The following DNAH7 variants were observed in gnomAD, a reference collection of about 807,000 sequenced individuals.
DNAH7 encodes the protein dynein axonemal heavy chain 7.
In DNAH7, 397 loss-of-function variants were observed where a neutral mutation model predicts 444.6. The observed-to-expected ratio is 0.89, with a 90% CI of 0.82 to 0.97. The LOEUF is 0.97. Ranked by LOEUF, DNAH7 falls within the 50% of genes least tolerant of loss-of-function variation. The pLI is 0.00. For missense variants in DNAH7, 4,902 were observed against 4,800.8 expected (o/e 1.02, Z -0.62); for synonymous variants, 1,636 against 1,624.4 (o/e 1.01, Z -0.17).
At chr2:195,749,348 A>C (rs893685348) in intron 63 of DNAH7, among the ~76,000 whole-genome samples, 1 of 150,298 alleles carries the variant, frequency 6.7e-6, no homozygotes, top group African/African-American at 2.4e-5. Context: ...GCTGGAGAGG[A>C]TGTGGAGAAA....
At chr2:195,928,805 T>C (rs1322272399) in intron 21 of DNAH7, among the ~76,000 whole-genome samples, 1 of 151,970 alleles carries the variant, frequency 6.6e-6, no homozygotes, top group Non-Finnish European at 1.5e-5. Context: ...CAGTGAATTT[T>C]TCCAACACAT....
chr2:196,018,772 C>T (rs1344874495), intron 9 of DNAH7, among the ~76,000 whole-genome samples: 1 of 152,022 alleles, frequency 6.6e-6, no homozygotes, highest in African/African-American at 2.4e-5. Context: ...CGGAGGACTA[C>T]AGTCAATAAT....
chr2:195,887,428 T>C (rs1306194494), intron 33 of DNAH7, among the ~76,000 whole-genome samples: 1 of 152,084 alleles, frequency 6.6e-6, no homozygotes, highest in Non-Finnish European at 1.5e-5. Flanking sequence ...TCAGATGTTC[T>C]TCCCTCTTTC....
chr2:195,774,970 T>C (rs1243322120), intron 60 of DNAH7, among the ~76,000 whole-genome samples: 1 of 152,204 alleles, frequency 6.6e-6, no homozygotes, highest in Non-Finnish European at 1.5e-5. Context: ...ACAAATCAAA[T>C]TAACAACTGA....
chr2:195,833,270 C>T (rs1698162674), intron 48 of DNAH7, among the ~76,000 whole-genome samples: 1 of 152,192 alleles, frequency 6.6e-6, no homozygotes. Context: ...GTGCATGTGT[C>T]TGTGTGTCTA....
At chr2:195,813,843 C>A (rs1697093588) in intron 51 of DNAH7, among the ~76,000 whole-genome samples, 2 of 152,090 alleles carry the variant, frequency 1.3e-5, no homozygotes. Context: ...TATACTTCCC[C>A]AACAATAGAA....
chr2:196,043,414 C>T (rs1829478), intron 5 of DNAH7, among the ~76,000 whole-genome samples: 37,665 of 151,814 alleles, frequency 0.25, 7,573 homozygotes, highest in African/African-American at 0.55. Context: ...AAAAATCAAC[C>T]CAAGATGGAT....
At position 195,749,074 on chromosome 2, in the gene DNAH7, G is replaced by A. The variant is rs1053736185; in HGVS notation, c.11764+5263C>T. Among the ~76,000 whole-genome samples the A allele has an allele frequency of 2.0e-4, 31 of 151,730 alleles. 1 individual carries two copies. Among genetic ancestry groups the A allele is most frequent in the African/African-American group, 5.3e-4 (22 of 41,434 alleles). The stretch of plus-strand genomic sequence containing the variant: ...ACCTACAAAATGGGAGAAAATTTTC[G>A]CAACCTACTCATCTGACAAAGGGCT... On this transcript the variant is annotated intron_variant, in intron 63 of 64. Coordinates refer to ENST00000312428, the MANE Select transcript of DNAH7 (RefSeq NM_018897.3).
chr2:195,957,472 T>C lies in DNAH7; in HGVS notation c.2892-25A>G, dbSNP rs1205793946. 4 of 1,471,510 alleles carry C rather than the reference T, an allele frequency of 2.7e-6. No individual in the cohort carries two copies. The South Asian group carries it at 5.9e-5, about 22-fold the overall frequency. The allele number at this position is 1,471,510 out of a possible 1,614,324, so 91.2% of individuals were successfully genotyped here. On this transcript the variant is annotated intron_variant, in intron 18 of 64. Transcript: ENST00000312428. ...TCTGAGGAGCAAAACACAGTGGCTCTTACTGACAGCAAACCAAGCAAATGT... is the reference window on the plus strand; with the variant it reads ...TCTGAGGAGCAAAACACAGTGGCTCCTACTGACAGCAAACCAAGCAAATGT...
At chr2:195,941,232 G>C (rs1164816598) in intron 19 of DNAH7, among the ~76,000 whole-genome samples, 2 of 152,116 alleles carry the variant, frequency 1.3e-5, no homozygotes, top group Non-Finnish European at 1.5e-5. Context: ...GGACATAGAT[G>C]AAGCTGGAAG....
intron 19 of DNAH7, among the ~76,000 whole-genome samples, chr2:195,944,361 G>A (rs1689660442): frequency 6.6e-6 from 1 of 152,106 alleles, no homozygotes; most frequent in African/African-American, 2.4e-5. Flanking sequence ...CAAGTAAACA[G>A]AACCACTCAC....
chr2:195,979,430 T>C (rs1289458928), intron 15 of DNAH7, among the ~76,000 whole-genome samples: 1 of 152,070 alleles, frequency 6.6e-6, no homozygotes, highest in East Asian at 1.9e-4. Flanking sequence ...GAGGAAGTGA[T>C]AATGGAAACA....
At position 195,974,547 on chromosome 2, in the gene DNAH7, T is replaced by C. The variant is rs1692055292; in HGVS notation, c.1834-2081A>G. Reference sequence around the variant, plus strand: ...TCCCCAAATTCCTAAATATTTCCAGTAATAGCTAGGAGGATAAATAAATGA... The same window carrying C: ...TCCCCAAATTCCTAAATATTTCCAGCAATAGCTAGGAGGATAAATAAATGA... On this transcript the variant is annotated intron_variant, in intron 15 of 64. Transcript: ENST00000312428. Among the ~76,000 whole-genome samples, 2 of 152,124 alleles carry C rather than the reference T, an allele frequency of 1.3e-5. 1 individual carries two copies. The highest frequency in any genetic ancestry group is 4.1e-4 in the South Asian group (2 of 4,830).
At chr2:195,980,158 G>A (rs1293222157) in intron 15 of DNAH7, among the ~76,000 whole-genome samples, 3 of 150,642 alleles carry the variant, frequency 2.0e-5, no homozygotes, top group Non-Finnish European at 4.4e-5. Context: ...TCCCATAATC[G>A]CCATGTGTCA....
chr2:195,891,569 A>T, intron 31 of DNAH7, 86 bp downstream of exon 31: 1 of 1,173,508 alleles, frequency 8.5e-7, no homozygotes, highest in South Asian at 2.3e-5. Flanking sequence ...AGATACAATT[A>T]GTTTGTTTGA....
intron 40 of DNAH7, 47 bp downstream of exon 40, chr2:195,872,203 A>G: frequency 7.0e-7 from 1 of 1,428,500 alleles, no homozygotes; most frequent in Non-Finnish European, 9.8e-7. Flanking sequence ...TGGCATGGCA[A>G]ATCTTTGTTT....
chr2:195,762,317 A>G (rs1312413438), intron 61 of DNAH7, among the ~76,000 whole-genome samples: 1 of 152,146 alleles, frequency 6.6e-6, no homozygotes, highest in African/African-American at 2.4e-5. Context: ...TTAAGAGGAG[A>G]GGAAGGAAAG....
intron 33 of DNAH7, among the ~76,000 whole-genome samples, 155 bp downstream of exon 33, chr2:195,888,103 A>G (rs74370104): frequency 0.02 from 3,028 of 152,218 alleles, 102 homozygotes; most frequent in African/African-American, 0.068. Context: ...TTTTTAGTGA[A>G]CTGCATGAAT....
chr2:195,916,225 TTGA>T (rs1164010969), intron 24 of DNAH7, among the ~76,000 whole-genome samples: 1 of 152,344 alleles, frequency 6.6e-6, no homozygotes, highest in Non-Finnish European at 1.5e-5. Flanking sequence ...GATGCTGGGT[TTGA>T]TGATGACTTT....
Sources: allele counts gnomAD v4.1 joint callset (sites outside exome capture counted in the v4.1 genomes callset), GRCh38; gene constraint gnomAD v4.1.1; transcripts MANE v1.5; gene names NCBI Gene and HGNC (gene_info 2026-07-23, HGNC 2026-07-21).